The following STXBP4 variants were observed in gnomAD, a reference collection of about 807,000 sequenced individuals.
The protein encoded by STXBP4 is syntaxin-binding protein 4.
STXBP4 carries 55 observed loss-of-function variants against 76.1 expected under a neutral mutation model. The ratio of observed to expected loss-of-function variants is 0.72; its 90% CI spans 0.58 to 0.91. The LOEUF (loss-of-function observed/expected upper bound fraction) is 0.91. STXBP4 is among the 40% of genes least tolerant of loss of function. The pLI is 0.00. For synonymous variants in STXBP4, 201 were observed against 220.2 expected, an observed-to-expected ratio of 0.91 and a Z score of 0.77; for missense variants, 618 against 636.9, an observed-to-expected ratio of 0.97 and a Z score of 0.32.
intron 16 of STXBP4, among the ~76,000 whole-genome samples, chr17:55,109,936 G>C (rs2079692651): frequency 6.6e-6 from 1 of 152,148 alleles, no homozygotes; most frequent in African/African-American, 2.4e-5. Flanking sequence ...ACTGCACCCA[G>C]CTGTCAATGT....
chr17:55,137,845 T>C (rs1003933245), intron 16 of STXBP4, among the ~76,000 whole-genome samples: 1 of 152,126 alleles, frequency 6.6e-6, no homozygotes, highest in South Asian at 2.1e-4. Flanking sequence ...AATACTTCCA[T>C]CAATATGAGA....
intron 17 of STXBP4, among the ~76,000 whole-genome samples, chr17:55,153,820 T>C (rs964714516): frequency 6.6e-6 from 1 of 152,246 alleles, no homozygotes; most frequent in Non-Finnish European, 1.5e-5. Flanking sequence ...AATTTAGTAT[T>C]CGTTAATCTG....
At chr17:55,089,679 A>T (rs551977719) in intron 16 of STXBP4, among the ~76,000 whole-genome samples, 1 of 152,218 alleles carries the variant, frequency 6.6e-6, no homozygotes, top group Admixed American at 6.5e-5. Context: ...CATGTTCAGA[A>T]CTGCAATTTC....
At chr17:55,159,752 A>G in intron 17 of STXBP4, 45 bp from the exon 18 acceptor site, 1 of 1,323,682 alleles carries the variant, frequency 7.6e-7, no homozygotes, top group Non-Finnish European at 1.1e-6. Flanking sequence ...GGATGAGTAG[A>G]AGGACAGTCT....
At chr17:54,998,273 C>T (rs1013452367) in intron 4 of STXBP4, among the ~76,000 whole-genome samples, 3 of 152,056 alleles carry the variant, frequency 2.0e-5, no homozygotes, top group Admixed American at 6.6e-5. Flanking sequence ...TACTTAAGTA[C>T]CATCAAGGTG....
intron 8 of STXBP4, 101 bp downstream of exon 8, chr17:55,007,698 G>A: frequency 1.2e-6 from 1 of 838,964 alleles, no homozygotes; most frequent in Non-Finnish European, 1.9e-6. Flanking sequence ...TTAGTTTCTT[G>A]AAGTTACTTA....
At chr17:55,046,796 C>A (rs949273352) in intron 11 of STXBP4, among the ~76,000 whole-genome samples, 2 of 151,776 alleles carry the variant, frequency 1.3e-5, no homozygotes, top group Admixed American at 6.6e-5. Flanking sequence ...ATAGCTTAAC[C>A]AAAATTGTGT....
intron 12 of STXBP4, among the ~76,000 whole-genome samples, chr17:55,062,727 T>A (rs1359464444): frequency 6.6e-6 from 1 of 152,172 alleles, no homozygotes; most frequent in Non-Finnish European, 1.5e-5. Flanking sequence ...AGTGTAAAAG[T>A]GTTCCTGTTT....
intron 8 of STXBP4, among the ~76,000 whole-genome samples, chr17:55,017,381 C>G (rs758789770): frequency 3.9e-5 from 6 of 152,074 alleles, no homozygotes; most frequent in Non-Finnish European, 8.8e-5. Context: ...TTGGGAGGGA[C>G]AAGACACCAG....
At chr17:55,100,018 T>A (rs1295966923) in intron 16 of STXBP4, among the ~76,000 whole-genome samples, 1 of 151,776 alleles carries the variant, frequency 6.6e-6, no homozygotes, top group Admixed American at 6.6e-5. Flanking sequence ...GCATGAGAGA[T>A]GAAAAAAGGG....
At chr17:55,204,301 C>G in the STXBP4 span, among the ~76,000 whole-genome samples, 3 of 151,928 alleles carry the variant, frequency 2.0e-5, no homozygotes, top group Non-Finnish European at 4.4e-5. Context: ...CTCCAGTTCT[C>G]TGCTTAAATT....
chr17:55,066,242 G>A (rs944458357), intron 12 of STXBP4, among the ~76,000 whole-genome samples: 1 of 143,004 alleles, frequency 7.0e-6, no homozygotes, highest in Non-Finnish European at 1.5e-5. Flanking sequence ...TGTTTTGTTT[G>A]AGACAGAGTC....
chr17:55,092,249 C>G (rs1214685161), intron 16 of STXBP4, among the ~76,000 whole-genome samples: 1 of 152,174 alleles, frequency 6.6e-6, no homozygotes, highest in Non-Finnish European at 1.5e-5. Context: ...CCTCAGAAAT[C>G]ACACCTAAAG....
intron 17 of STXBP4, among the ~76,000 whole-genome samples, chr17:55,151,672 G>A (rs887783547): frequency 1.3e-5 from 2 of 152,132 alleles, no homozygotes; most frequent in African/African-American, 2.4e-5. Flanking sequence ...ACGGTTTAGG[G>A]ACCGAAGGGA....
At chr17:55,103,693 G>A (rs2079594415) in intron 16 of STXBP4, among the ~76,000 whole-genome samples, 2 of 151,842 alleles carry the variant, frequency 1.3e-5, no homozygotes, top group South Asian at 4.2e-4. Context: ...GCTTGATGGG[G>A]ATAGCATTGA....
In STXBP4 at chr17:55,168,255, C is replaced by G. The variant is rs2080388107; in HGVS notation, c.*8344C>G. ...TGTGTGTATATACACACCACACACA[C>G]ACACACACACACGTATTGGAGGAAT... On this transcript the variant is annotated 3_prime_UTR_variant, in exon 18 of 18. Transcript: ENST00000376352. The G allele has an allele frequency of 6.6e-6, 1 of 151,764 alleles. No individual in the cohort carries two copies. The highest frequency in any genetic ancestry group is 1.5e-5 in the Non-Finnish European group (1 of 67,908). 9.4% of individuals were successfully genotyped at this position (151,764 alleles called of 1,614,324 possible). A position where few individuals can be genotyped will look rare whatever the true frequency, so the allele number is the denominator to read the frequency against.
rs1334774716 is a variant in STXBP4, at chr17:55,171,837, T to G, written c.*11926T>G. On this transcript the variant is annotated 3_prime_UTR_variant, in exon 18 of 18. Transcript: ENST00000376352. The stretch of plus-strand genomic sequence containing the variant: ...AGCTGACACCTTGACCTTGGACTTC[T>G]AGCCTCCAAACTGTGAGACAATACA... 4 of 152,198 alleles carry G rather than the reference T, an allele frequency of 2.6e-5. No homozygotes were observed. The highest frequency in any genetic ancestry group is 1.3e-4 in the Admixed American group (2 of 15,290). 9.4% of individuals were successfully genotyped at this position (152,198 alleles called of 1,614,324 possible).
rs2077705438 is a variant in STXBP4 at position 54,990,921 on chromosome 17, T to C, written c.144T>C (p.Tyr48=). 3 of 1,600,206 alleles carry C rather than the reference T, an allele frequency of 1.9e-6. No homozygotes were observed. The highest frequency in any genetic ancestry group is 4.5e-5 in the East Asian group (2 of 44,374). Residue 48 remains tyrosine (Y), a synonymous_variant, in exon 4 of 18, where the codon TAT becomes TAC. Coordinates refer to ENST00000376352, the MANE Select transcript of STXBP4 (RefSeq NM_178509.6). ...GINRNEGPLV[Y]IQEIIPGGDC... is the part of the protein sequence containing the mutation. Reference sequence around the variant, plus strand: ...ACCGGAATGAAGGCCCATTGGTATATATTCAGGAAATTATTCCTGGAGGAG... The same window carrying C: ...ACCGGAATGAAGGCCCATTGGTATACATTCAGGAAATTATTCCTGGAGGAG...
At chr17:55,201,052 C>G in the STXBP4 span, among the ~76,000 whole-genome samples, 1 of 152,128 alleles carries the variant, frequency 6.6e-6, no homozygotes, top group Non-Finnish European at 1.5e-5. Context: ...ATGGACATTT[C>G]CCCATGGTCA....
Sources: gnomAD v4.1 joint callset for allele counts (sites outside exome capture counted in the v4.1 genomes callset) on GRCh38, gnomAD v4.1.1 for gene constraint, MANE v1.5 for transcripts, NCBI Gene and HGNC (gene_info 2026-07-23, HGNC 2026-07-21) for gene names.